The following ADARB2 variants were observed in gnomAD, a reference collection of about 807,000 sequenced individuals.
ADARB2 encodes inactive double-stranded RNA-specific editase B2.
In ADARB2, 25 loss-of-function variants were observed where a neutral mutation model predicts 62.2. The ratio of observed to expected loss-of-function variants is 0.40; its 90% confidence interval spans 0.29 to 0.56. The LOEUF (loss-of-function observed/expected upper bound fraction) is 0.56, where lower values mean the gene tolerates loss of function less well. Among genes scored for constraint, ADARB2 ranks in the 20% least tolerant of loss-of-function variants. The pLI, the probability that ADARB2 is intolerant of heterozygous loss-of-function variation, is 0.43. For synonymous variants in ADARB2, 572 were observed against 500.8 expected, an observed-to-expected ratio of 1.14 and a Z score of -1.90; for missense variants, 1,071 against 1,077.4, an observed-to-expected ratio of 0.99 and a Z score of 0.08.
intron 1 of ADARB2, among the ~76,000 whole-genome samples, chr10:1,382,095 C>T (rs1348153001): frequency 2.6e-5 from 4 of 152,270 alleles, no homozygotes; most frequent in South Asian, 2.1e-4. Flanking sequence ...TCGCATTGTA[C>T]ACCTTGAATA....
chr10:1,429,412 A>G (rs1321654015), intron 1 of ADARB2, among the ~76,000 whole-genome samples: 1 of 152,208 alleles, frequency 6.6e-6, no homozygotes, highest in East Asian at 1.9e-4. Flanking sequence ...CAAACAACAT[A>G]AACTGAAACC....
chr10:1,701,905 C>G (rs1834826518), intron 1 of ADARB2, among the ~76,000 whole-genome samples: 1 of 151,740 alleles, frequency 6.6e-6, no homozygotes, highest in African/African-American at 2.4e-5. Context: ...ACACTCAATC[C>G]CACTCCACCG....
chr10:1,687,318 G>A (rs546901725), intron 1 of ADARB2, among the ~76,000 whole-genome samples: 2 of 152,212 alleles, frequency 1.3e-5, no homozygotes, highest in Admixed American at 6.5e-5. Flanking sequence ...GAGCCACCAC[G>A]CCCAGGCGTG....
At chr10:1,686,526 G>A (rs2119121783) in intron 1 of ADARB2, among the ~76,000 whole-genome samples, 1 of 152,334 alleles carries the variant, frequency 6.6e-6, no homozygotes, top group South Asian at 2.1e-4. Flanking sequence ...GATTGCTGAT[G>A]GAGCCCATCA....
intron 1 of ADARB2, among the ~76,000 whole-genome samples, chr10:1,690,697 G>A (rs115491862): frequency 2.0e-5 from 3 of 152,092 alleles, no homozygotes; most frequent in South Asian, 2.1e-4. Flanking sequence ...CACACCCCAC[G>A]TCGAGGAAGC....
At chr10:1,577,484 T>C (rs1010478509) in intron 1 of ADARB2, among the ~76,000 whole-genome samples, 13 of 152,182 alleles carry the variant, frequency 8.5e-5, no homozygotes, top group Admixed American at 2.0e-4. Flanking sequence ...AGGTCTCCTT[T>C]ATTTGGTCTG....
intron 1 of ADARB2, among the ~76,000 whole-genome samples, chr10:1,735,030 T>C (rs1588370985): frequency 6.6e-6 from 1 of 152,350 alleles, no homozygotes; most frequent in East Asian, 1.9e-4. Context: ...TACATCTACA[T>C]GGTTAACGTT....
intron 1 of ADARB2, among the ~76,000 whole-genome samples, chr10:1,617,271 A>G: frequency 6.8e-6 from 1 of 147,344 alleles, no homozygotes; most frequent in African/African-American, 2.5e-5. Context: ...AGAGGGCTGC[A>G]TTCTGTTGCT....
intron 1 of ADARB2, among the ~76,000 whole-genome samples, chr10:1,639,575 T>G (rs892508511): frequency 2.0e-5 from 3 of 152,192 alleles, no homozygotes; most frequent in Non-Finnish European, 2.9e-5. Context: ...CCGGGCGCAG[T>G]GGCTCACGCC....
chr10:1,537,706 A>T (rs1832351520), intron 1 of ADARB2, among the ~76,000 whole-genome samples: 1 of 152,202 alleles, frequency 6.6e-6, no homozygotes, highest in African/African-American at 2.4e-5. Flanking sequence ...GCAAACTAAC[A>T]CAGGAACAGA....
At chr10:1,307,392 A>G (rs1050191291) in intron 3 of ADARB2, among the ~76,000 whole-genome samples, 26 of 141,978 alleles carry the variant, frequency 1.8e-4, no homozygotes, top group Non-Finnish European at 6.1e-5. Flanking sequence ...ACCATCTCAC[A>G]CCAGTTAGAA....
chr10:1,693,165 G>C (rs1374496428), intron 1 of ADARB2, among the ~76,000 whole-genome samples: 2 of 152,206 alleles, frequency 1.3e-5, no homozygotes, highest in Admixed American at 6.5e-5. Context: ...TTTGTCTACT[G>C]TTGAAGGCTG....
chr10:1,567,427 C>G (rs1166295099), intron 1 of ADARB2, among the ~76,000 whole-genome samples: 2 of 152,182 alleles, frequency 1.3e-5, no homozygotes, highest in African/African-American at 4.8e-5. Flanking sequence ...CTGCACCTTG[C>G]CCAAGGTTCA....
intron 1 of ADARB2, among the ~76,000 whole-genome samples, chr10:1,727,196 C>T (rs776459987): frequency 6.6e-6 from 1 of 152,206 alleles, no homozygotes; most frequent in African/African-American, 2.4e-5. Flanking sequence ...AATCTCTATG[C>T]TGGTTTCTGG....
At chr10:1,527,679 C>T (rs143661386) in intron 1 of ADARB2, among the ~76,000 whole-genome samples, 31 of 152,180 alleles carry the variant, frequency 2.0e-4, no homozygotes, top group African/African-American at 7.0e-4. Context: ...TTGTGAGATG[C>T]TATTTGGTTT....
chr10:1,444,024 T>A (rs1384881720), intron 1 of ADARB2, among the ~76,000 whole-genome samples: 1 of 150,030 alleles, frequency 6.7e-6, no homozygotes, highest in Non-Finnish European at 1.5e-5. Context: ...CATCCATCCA[T>A]CCATCCATCC....
intron 1 of ADARB2, among the ~76,000 whole-genome samples, chr10:1,555,860 G>A (rs529660613): frequency 3.1e-4 from 47 of 151,246 alleles, no homozygotes; most frequent in Non-Finnish European, 4.0e-4. Flanking sequence ...GCTTGAACAT[G>A]GGAGATGGAG....
chr10:1,223,425 T>C (rs1341081178), intron 6 of ADARB2, among the ~76,000 whole-genome samples: 1 of 152,206 alleles, frequency 6.6e-6, no homozygotes, highest in African/African-American at 2.4e-5. Context: ...TCCTGCCTGA[T>C]TGCCCTGGCC....
At chr10:1,315,331 C>T (rs1010197339) in intron 3 of ADARB2, among the ~76,000 whole-genome samples, 4 of 152,290 alleles carry the variant, frequency 2.6e-5, no homozygotes, top group East Asian at 1.9e-4. Flanking sequence ...CCAAGGTTTC[C>T]GCCTTCATTG....
Sources: gnomAD v4.1 joint callset for allele counts (sites outside exome capture counted in the v4.1 genomes callset) on GRCh38, gnomAD v4.1.1 for gene constraint, MANE v1.5 for transcripts, NCBI Gene and HGNC (gene_info 2026-07-23, HGNC 2026-07-21) for gene names.